Variants in LTBP3 observed in about 807,000 individuals in gnomAD.
LTBP3 encodes latent-transforming growth factor beta-binding protein 3.
In LTBP3, 97 loss-of-function variants were observed where a neutral mutation model predicts 159.7. That is an observed-to-expected ratio of 0.61 (90% confidence interval 0.52 to 0.72). LTBP3 has a LOEUF of 0.72. Ranked by LOEUF, LTBP3 falls within the 30% of genes least tolerant of loss-of-function variation. LTBP3 has a pLI of 0.00. For missense variants in LTBP3, 1,584 were observed against 1,864.3 expected (o/e 0.85, Z 2.77); for synonymous variants, 824 against 777.1 (o/e 1.06, Z -1.00).
chr11:65,554,015 C>G lies in LTBP3; in HGVS notation c.661+36G>C. On this transcript the variant is annotated intron_variant, in intron 2 of 27. Coordinates refer to ENST00000301873, the MANE Select transcript of LTBP3 (RefSeq NM_001130144.3). This position sits in a 1 kb window ranked among gnomAD's most constrained non-coding sequence, Gnocchi z 5.3. ...CCCTGGCCACCCTAGTGCCCACCCA[C>G]TGGCGACCTTCCCGGGTTTGCCAGT... 1 of 1,597,504 alleles carries G rather than the reference C, an allele frequency of 6.3e-7. No homozygotes were observed. The highest frequency in any genetic ancestry group is 8.5e-7 in the Non-Finnish European group (1 of 1,178,176).
At position 65,546,649 on chromosome 11, in the gene LTBP3, A is replaced by T; in HGVS notation, c.2231-85T>A. 9.5e-6 allele frequency: 15 copies of T among 1,583,014 alleles called. No homozygotes were observed. The highest frequency in any genetic ancestry group is 1.2e-5 in the Non-Finnish European group (14 of 1,172,296). On this transcript the variant is annotated intron_variant, in intron 15 of 27. Transcript: ENST00000301873. This position sits in a 1 kb window ranked among gnomAD's most constrained non-coding sequence, Gnocchi z 4.0. ...GCGGGGGTGTGGGTCTCTTCCCTGG[A>T]ACGCGGGGTTGAGAGGGCAGCCTCT...
chr11:65,541,282 G>T lies in LTBP3; in HGVS notation c.2737C>A (p.Pro913Thr), dbSNP rs1456536426. The T allele has an allele frequency of 1.2e-6, 2 of 1,611,530 alleles. No individual in the cohort carries two copies. The highest frequency in any genetic ancestry group is 1.7e-5 in the Admixed American group (1 of 60,020). The part of the protein sequence containing the change: ...DQHGCEEVEQ[P>T]HHKKECYLNF... ...AGGTAGCACTCCTTCTTGTGGTGGG[G>T]CTGCTCCACCTCTGAGGGGCAGACG... is the stretch of plus-strand genomic sequence containing the variant. Residue 913 changes from proline to threonine, a missense_variant, in exon 20 of 28, where the codon CCC becomes ACC. By Grantham distance (38) the Pro-to-Thr change is conservative (BLOSUM62 -1). Transcript: ENST00000301873.
Position 65,538,934 on chromosome 11 carries a change from G to C in LTBP3, c.*146C>G, listed in dbSNP as rs1046154480. The C allele has an allele frequency of 1.5e-6, 2 of 1,301,438 alleles. No individual in the cohort carries two copies. Among genetic ancestry groups the C allele is most frequent in the Admixed American group, 3.9e-5 (1 of 25,876 alleles). The allele number at this position is 1,301,438 out of a possible 1,614,324, so 80.6% of individuals were successfully genotyped here. A position where few individuals can be genotyped will look rare whatever the true frequency, so the allele number is the denominator to read the frequency against. On this transcript the variant is annotated 3_prime_UTR_variant, in exon 28 of 28. Coordinates refer to ENST00000301873, the MANE Select transcript of LTBP3 (RefSeq NM_001130144.3). ...TAACCGGGGAGGGGGGCCGGTAGGG[G>C]CGCCTCGGGTCTCAAGGCGCCGGGA...
At position 65,538,565 on chromosome 11, in the gene LTBP3, G is replaced by T; in HGVS notation, c.*515C>A. 6.2e-7 allele frequency: 1 copy of T among 1,609,722 alleles called. No homozygotes were observed. Among genetic ancestry groups the T allele is most frequent in the Non-Finnish European group, 8.5e-7 (1 of 1,178,332 alleles). On this transcript the variant is annotated 3_prime_UTR_variant, in exon 28 of 28. Transcript: ENST00000301873. ...AAGCTGGGAGCCCGGAAGCTGGACT[G>T]AACCGTGGCGGTGGCCCTTCCCGGC...
chr11:65,553,910 G>A lies in LTBP3; in HGVS notation c.662-7C>T. The A allele has an allele frequency of 6.5e-7, 1 of 1,527,846 alleles. No individual in the cohort carries two copies. The highest frequency in any genetic ancestry group is 8.8e-7 in the Non-Finnish European group (1 of 1,140,202). The allele number at this position is 1,527,846 out of a possible 1,614,324, so 94.6% of individuals were successfully genotyped here. ...ACGGGGGGCGGGGCCTGCACTGGGG[G>A]CGGGCGCGGTGGCCTCAGGGCTGCC... On this transcript the variant is annotated splice_region_variant and splice_polypyrimidine_tract_variant and intron_variant, in intron 2 of 27. Coordinates refer to ENST00000301873, the MANE Select transcript of LTBP3 (RefSeq NM_001130144.3). This position sits in a 1 kb window ranked among gnomAD's most constrained non-coding sequence, Gnocchi z 6.5.
rs1444468482 is a variant in LTBP3, at chr11:65,546,792, C to T, written c.2230+6G>A. On this transcript the variant is annotated splice_donor_region_variant and intron_variant, in intron 15 of 27. Transcript: ENST00000301873. This position sits in a 1 kb window ranked among gnomAD's most constrained non-coding sequence, Gnocchi z 4.0. The stretch of plus-strand genomic sequence containing the variant: ...CCACCCACTCGGCTCCGGGCCCCGC[C>T]CTCACCGCGACAGGCCCCGCCCCCC... The T allele has an allele frequency of 1.9e-6, 3 of 1,601,352 alleles. No individual in the cohort carries two copies. The highest frequency in any genetic ancestry group is 2.5e-6 in the Non-Finnish European group (3 of 1,179,254).
chr11:65,549,474 C>T (rs576438665), intron 11 of LTBP3, among the ~76,000 whole-genome samples: 4 of 150,868 alleles, frequency 2.7e-5, no homozygotes, highest in Middle Eastern at 3.4e-3. Context: ...TGCAGTGGCA[C>T]GATCTTGGCT....
rs1186393380 is a variant in LTBP3, at chr11:65,539,564, C to T, written c.3612G>A (p.Leu1204=). The T allele has an allele frequency of 1.9e-6, 3 of 1,612,614 alleles. No homozygotes were observed. The African/African-American group carries it at 4.0e-5, about 22-fold the overall frequency. Residue 1204 remains leucine (L), a synonymous_variant, in exon 26 of 28, where the codon TTG becomes TTA. Transcript: ENST00000301873. ...AGCACTCACCTCTTGGGGGCTTCCC[C>T]AACAGCAGGGGGCTTGTGTCCCAGA... ...NSFWDTSPLL[L]GKPPRDEDSS...
Position 65,539,349 on chromosome 11 carries a change from C to G in LTBP3, c.3739G>C (p.Ala1247Pro). 1 of 1,529,040 alleles carries G rather than the reference C, an allele frequency of 6.5e-7. No homozygotes were observed. 94.7% of individuals were successfully genotyped at this position (1,529,040 alleles called of 1,614,324 possible). The change falls in exon 27 of 28, where the codon GCC (alanine) becomes CCC (proline). Residue 1247 changes from alanine to proline, a missense_variant. By Grantham distance (27) the Ala-to-Pro change is conservative. Coordinates refer to ENST00000301873, the MANE Select transcript of LTBP3 (RefSeq NM_001130144.3). ...TCACCCACGCAGCGGGCGCGGGAGG[C>G]GTCGAGCTGGAAGCCGCCGGGACAC... ...CECPGGFQLDASRARCVDIDE... is the reference protein window; with the variant it reads ...CECPGGFQLDPSRARCVDIDE...
At chr11:65,542,043 A>C (rs12805876) in intron 18 of LTBP3, 1 of 350,938 alleles carries the variant, frequency 2.8e-6, no homozygotes, top group East Asian at 6.5e-5. Context: ...ACCACCCTCC[A>C]CTCCCCAACT....
rs1298824544 is a variant in LTBP3 at position 65,539,149 on chromosome 11, G to A, written c.3843C>T (p.Arg1281=). The A allele has an allele frequency of 6.7e-7, 1 of 1,495,560 alleles. No homozygotes were observed. 92.6% of individuals were successfully genotyped at this position (1,495,560 alleles called of 1,614,324 possible). The stretch of plus-strand genomic sequence containing the variant: ...GCGCGAAGCCGGCTTTGCAGACGCA[G>A]CGGAAGGAGCCGCTGGTGTTCACGC... ...ERCVNTSGSF[R]CVCKAGFARS... Residue 1281 remains arginine, a synonymous_variant, in exon 28 of 28, where the codon CGC becomes CGT. Transcript: ENST00000301873.
At chr11:65,545,660 C>A in intron 16 of LTBP3, 1 of 229,346 alleles carries the variant, frequency 4.4e-6, no homozygotes. Context: ...CCACTGTCTC[C>A]GCCCTAAGTC....
intron 16 of LTBP3, chr11:65,545,153 CCTGG>C (rs1856310778): frequency 2.8e-5 from 5 of 180,956 alleles, no homozygotes; most frequent in African/African-American, 1.2e-4. Context: ...CTCCTCCTTC[CCTGG>C]AAATATGTCC....
chr11:65,540,804 G>T, intron 21 of LTBP3, 67 bp downstream of exon 21: 1 of 1,522,264 alleles, frequency 6.6e-7, no homozygotes. Context: ...GCGAGTCCCG[G>T]CGGGATCCGG....
intron 11 of LTBP3, among the ~76,000 whole-genome samples, chr11:65,549,593 G>GTTTTTTTT (rs1565097219): frequency 5.5e-5 from 6 of 109,890 alleles, no homozygotes; most frequent in South Asian, 3.0e-4. Context: ...TTTTTTTTTG[G>GTTTTTTTT]ATTTTTAGTA....
chr11:65,552,170 C>T lies in LTBP3; in HGVS notation c.1346-13G>A. ...TCCTTGAACGCAGCTGCAGTCAAGA[C>T]AGCAGACACAAAAGTGAGCATTTCC... On this transcript the variant is annotated splice_polypyrimidine_tract_variant and intron_variant, in intron 7 of 27. Coordinates refer to ENST00000301873, the MANE Select transcript of LTBP3 (RefSeq NM_001130144.3). This position sits in a 1 kb window ranked among gnomAD's most constrained non-coding sequence, Gnocchi z 6.0. 2.5e-6 allele frequency: 4 copies of T among 1,614,190 alleles called. No individual in the cohort carries two copies. The highest frequency in any genetic ancestry group is 3.4e-6 in the Non-Finnish European group (4 of 1,180,032).
Position 65,542,332 on chromosome 11 carries a change from T to G in LTBP3, c.2597-604A>C, listed in dbSNP as rs1190723600. 1.8e-5 allele frequency: 3 copies of G among 163,108 alleles called. No individual in the cohort carries two copies. In the South Asian group the frequency reaches 4.6e-4, roughly 25 times the overall value. The allele number at this position is 163,108 out of a possible 1,614,324, so 10.1% of individuals were successfully genotyped here. ...GCTGGGAGCCCTGGGTGATTGTTGA[T>G]TACCTAGTACAAAGCACAGAACCTG... On this transcript the variant is annotated intron_variant, in intron 18 of 27. Coordinates refer to ENST00000301873, the MANE Select transcript of LTBP3 (RefSeq NM_001130144.3).
chr11:65,548,349 G>A, intron 11 of LTBP3: 1 of 591,004 alleles, frequency 1.7e-6, no homozygotes. Context: ...CATCCCCTCA[G>A]GGCCCCTCAG....
Position 65,546,806 on chromosome 11 carries a change from G to C in LTBP3, c.2222C>G (p.Ala741Gly), listed in dbSNP as rs148780991. ...CCGGGCCCCGCCCTCACCGCGACAG[G>C]CCCCGCCCCCCTGGCTGCGGTAGCC... is the stretch of plus-strand genomic sequence containing the variant. ...QPGYRSQGGG[A>G]CRDVNECAEG... Residue 741 changes from alanine (A) to glycine (G), a missense_variant, in exon 15 of 28, where the codon GCC (alanine) becomes GGC (glycine). Around this residue, in one of 6 missense-constraint regions of LTBP3, gnomAD observed 565 missense variants for 677.7 expected, o/e 0.83. Coordinates refer to ENST00000301873, the MANE Select transcript of LTBP3 (RefSeq NM_001130144.3). This position sits in a 1 kb window ranked among gnomAD's most constrained non-coding sequence, Gnocchi z 4.0. 7.0e-3 allele frequency: 11,216 copies of C among 1,604,476 alleles called. 118 individuals carry two copies. The Middle Eastern group carries it at 0.086, about 12-fold the overall frequency.
Sources: gnomAD v4.1 joint callset for allele counts (sites outside exome capture counted in the v4.1 genomes callset) on GRCh38, gnomAD v4.1.1 for gene constraint, gnomAD v4.1.1 regional missense constraint, Gnocchi (gnomAD v3.1) non-coding constraint, MANE v1.5 for transcripts, NCBI Gene and HGNC (gene_info 2026-07-23, HGNC 2026-07-21) for gene names.